TENM1: variants seen among roughly 807,000 people sequenced by gnomAD.
The protein encoded by TENM1 is teneurin transmembrane protein 1, also known as teneurin-1.
In TENM1, 35 loss-of-function variants were observed where a neutral mutation model predicts 174.8. That is an observed-to-expected ratio of 0.20 (90% confidence interval 0.15 to 0.27). The LOEUF (loss-of-function observed/expected upper bound fraction) is 0.27, where lower values mean the gene tolerates loss of function less well. Ranked by LOEUF, TENM1 falls within the 10% of genes least tolerant of loss-of-function variation. The pLI, the probability that TENM1 is intolerant of heterozygous loss-of-function variation, is 1.00. For synonymous variants in TENM1, 781 were observed against 798.7 expected, an observed-to-expected ratio of 0.98 and a Z score of 0.37; for missense variants, 1,633 against 2,130.1, an observed-to-expected ratio of 0.77 and a Z score of 4.59.
the TENM1 span, among the ~76,000 whole-genome samples, chrX:124,978,395 C>A: frequency 1.1e-3 from 128 of 111,938 alleles, no homozygotes; most frequent in African/African-American, 3.9e-3. Flanking sequence ...GAGTTATACT[C>A]TTCTGTTTAT....
chrX:124,554,074 A>C (rs1261293205), intron 14 of TENM1, among the ~76,000 whole-genome samples: 1 of 111,584 alleles, frequency 9.0e-6, no homozygotes, highest in Admixed American at 9.5e-5. Context: ...GCACCACTGC[A>C]CTCAAGTCTG....
At chrX:124,413,754 T>C (rs1435025211) in intron 25 of TENM1, among the ~76,000 whole-genome samples, 2 of 112,857 alleles carry the variant, frequency 1.8e-5, no homozygotes, top group South Asian at 3.6e-4. Flanking sequence ...TCTTGTTTAA[T>C]TGAAATCATT....
chrX:124,406,807 T>C (rs185245226), intron 25 of TENM1, among the ~76,000 whole-genome samples: 4 of 111,392 alleles, frequency 3.6e-5, no homozygotes, highest in Admixed American at 9.6e-5. Context: ...AGGCCTCCGT[T>C]TGCGATTTGG....
At chrX:125,124,169 G>T in the TENM1 span, among the ~76,000 whole-genome samples, 1 of 112,317 alleles carries the variant, frequency 8.9e-6, no homozygotes, top group Non-Finnish European at 1.9e-5. Flanking sequence ...GACTAATTTG[G>T]AATTGTGTAG....
intron 20 of TENM1, among the ~76,000 whole-genome samples, chrX:124,493,306 A>C (rs989129999): frequency 2.7e-5 from 3 of 111,962 alleles, no homozygotes; most frequent in Admixed American, 9.5e-5. Context: ...CCTTGACCAA[A>C]AGAGAATCTC....
chrX:125,049,721 T>G, the TENM1 span, among the ~76,000 whole-genome samples: 12 of 111,695 alleles, frequency 1.1e-4, no homozygotes, highest in Admixed American at 8.6e-4. Context: ...ATAGCCATCC[T>G]CCTATGTGTG....
At chrX:124,976,206 C>T in the TENM1 span, among the ~76,000 whole-genome samples, 1 of 111,558 alleles carries the variant, frequency 9.0e-6, no homozygotes, top group Non-Finnish European at 1.9e-5. Context: ...GATACAGGTA[C>T]TCTTTTAAGC....
At chrX:124,521,397 T>G (rs1331225391) in intron 17 of TENM1, among the ~76,000 whole-genome samples, 1 of 111,955 alleles carries the variant, frequency 8.9e-6, no homozygotes, top group Non-Finnish European at 1.9e-5. Context: ...TTTAATCAAA[T>G]TTTTCTTACA....
intron 1 of TENM1, among the ~76,000 whole-genome samples, chrX:124,940,681 C>G (rs749373665): frequency 3.1e-4 from 35 of 111,163 alleles, no homozygotes; most frequent in South Asian, 7.7e-4. Flanking sequence ...ACAGCCCTCT[C>G]TCCCTGAATC....
intron 23 of TENM1, among the ~76,000 whole-genome samples, chrX:124,446,344 T>C (rs191972568): frequency 2.0e-4 from 23 of 112,750 alleles, no homozygotes; most frequent in African/African-American, 7.4e-4. Context: ...GGGATAATAA[T>C]ATCTACCTCT....
intron 23 of TENM1, among the ~76,000 whole-genome samples, chrX:124,430,248 T>A (rs1330933435): frequency 8.9e-6 from 1 of 111,746 alleles, no homozygotes. Flanking sequence ...CTCATACTTT[T>A]TTGATTTACT....
intron 11 of TENM1, among the ~76,000 whole-genome samples, chrX:124,602,039 A>G (rs954497941): frequency 2.7e-5 from 3 of 111,279 alleles, no homozygotes; most frequent in African/African-American, 9.8e-5. Flanking sequence ...ACTCTTCCCA[A>G]TAAATTACAA....
At chrX:124,441,219 T>G (rs1350457779) in intron 23 of TENM1, among the ~76,000 whole-genome samples, 1 of 111,803 alleles carries the variant, frequency 8.9e-6, no homozygotes, top group Non-Finnish European at 1.9e-5. Context: ...GGATTGTCTA[T>G]ACTCCTTCTA....
At chrX:125,021,394 A>T in the TENM1 span, among the ~76,000 whole-genome samples, 1 of 111,091 alleles carries the variant, frequency 9.0e-6, no homozygotes, top group African/African-American at 3.3e-5. Flanking sequence ...GGTAGGAGTT[A>T]CCATCCTATT....
At chrX:124,722,589 C>T (rs1253576382) in intron 4 of TENM1, among the ~76,000 whole-genome samples, 1 of 110,726 alleles carries the variant, frequency 9.0e-6, no homozygotes, top group Non-Finnish European at 1.9e-5. Flanking sequence ...GCCTGTAATC[C>T]CAGCACTTTG....
At chrX:125,041,957 C>A in the TENM1 span, among the ~76,000 whole-genome samples, 5 of 111,617 alleles carry the variant, frequency 4.5e-5, no homozygotes, top group Non-Finnish European at 7.6e-5. Context: ...AGGGCAAATG[C>A]TAGCAATGCT....
intron 11 of TENM1, among the ~76,000 whole-genome samples, chrX:124,578,422 T>G (rs1468689366): frequency 9.0e-6 from 1 of 111,594 alleles, no homozygotes; most frequent in Non-Finnish European, 1.9e-5. Context: ...GAGTACGGAC[T>G]CTAAAGCCTG....
At chrX:124,728,409 G>T (rs946430350) in intron 4 of TENM1, among the ~76,000 whole-genome samples, 50 of 111,750 alleles carry the variant, frequency 4.5e-4, no homozygotes, top group African/African-American at 1.5e-3. Flanking sequence ...AGAAGGGAAA[G>T]AAATAATAAA....
chrX:125,159,792 G>C, the TENM1 span, among the ~76,000 whole-genome samples: 3 of 111,832 alleles, frequency 2.7e-5, no homozygotes, highest in Non-Finnish European at 5.6e-5. Context: ...TCAGCTTCTA[G>C]AGATCCAGGC....
Sources: gnomAD v4.1 joint callset for allele counts (sites outside exome capture counted in the v4.1 genomes callset) on GRCh38, gnomAD v4.1.1 for gene constraint, MANE v1.5 for transcripts, NCBI Gene and HGNC (gene_info 2026-07-23, HGNC 2026-07-21) for gene names.